Variants in SEMA4F observed in about 807,000 individuals in gnomAD.
The protein encoded by SEMA4F is ssemaphorin 4F, also known as semaphorin-4F.
SEMA4F carries 51 observed loss-of-function variants against 78.4 expected under a neutral mutation model. The ratio of observed to expected loss-of-function variants is 0.65; its 90% CI spans 0.52 to 0.82. The LOEUF (loss-of-function observed/expected upper bound fraction) is 0.82, where lower values mean the gene tolerates loss of function less well. SEMA4F is among the 40% of genes least tolerant of loss of function. The pLI is 0.00. For synonymous variants in SEMA4F, 418 were observed against 408.7 expected (o/e 1.02, Z -0.27); for missense variants, 938 against 1,014.4 (o/e 0.92, Z 1.02).
downstream of SEMA4F, among the ~76,000 whole-genome samples, chr2:74,684,079 C>T (rs1685754445): frequency 7.2e-6 from 1 of 137,966 alleles, no homozygotes; most frequent in Non-Finnish European, 1.5e-5. Flanking sequence ...CACATATCCA[C>T]CAAATTAACT....
At chr2:74,660,277 C>G (rs188383425) in intron 4 of SEMA4F, among the ~76,000 whole-genome samples, 1 of 152,380 alleles carries the variant, frequency 6.6e-6, no homozygotes, top group East Asian at 1.9e-4. Context: ...CTGTGTTTGT[C>G]TCTGGCTCTG....
At chr2:74,696,254 G>C in the SEMA4F span, among the ~76,000 whole-genome samples, 1 of 144,992 alleles carries the variant, frequency 6.9e-6, no homozygotes, top group Non-Finnish European at 1.5e-5. Context: ...GGAGTGCAGT[G>C]GTATGATCTT....
At chr2:74,696,319 C>CT in the SEMA4F span, among the ~76,000 whole-genome samples, 1 of 151,630 alleles carries the variant, frequency 6.6e-6, no homozygotes, top group Non-Finnish European at 1.5e-5. Flanking sequence ...CCTCAGTCTC[C>CT]CAAGTAGCTG....
At chr2:74,657,501 T>C in intron 2 of SEMA4F, 64 bp from the exon 3 acceptor site, 1 of 1,480,202 alleles carries the variant, frequency 6.8e-7, no homozygotes, top group Non-Finnish European at 9.5e-7. Context: ...TTTAATCTCC[T>C]CTAACATCGA....
chr2:74,671,291 C>A (rs965429796), intron 5 of SEMA4F, among the ~76,000 whole-genome samples: 1 of 152,324 alleles, frequency 6.6e-6, no homozygotes, highest in African/African-American at 2.4e-5. Flanking sequence ...CCCTCTTGTT[C>A]TCTGCATAGA....
chr2:74,676,731 A>G (rs1173527826), intron 12 of SEMA4F, among the ~76,000 whole-genome samples: 1 of 152,104 alleles, frequency 6.6e-6, no homozygotes, highest in African/African-American at 2.4e-5. Flanking sequence ...TCTTAACTGG[A>G]CTACTCTAAT....
intron 5 of SEMA4F, among the ~76,000 whole-genome samples, chr2:74,669,033 G>T (rs909566325): frequency 6.6e-6 from 1 of 152,034 alleles, no homozygotes; most frequent in African/African-American, 2.4e-5. Flanking sequence ...GGCCAAGGTG[G>T]GAAGATTGCT....
At chr2:74,670,719 C>T (rs1684941215) in intron 5 of SEMA4F, among the ~76,000 whole-genome samples, 1 of 152,236 alleles carries the variant, frequency 6.6e-6, no homozygotes, top group African/African-American at 2.4e-5. Flanking sequence ...GTGTCATGCT[C>T]TTAGGGAACA....
At chr2:74,692,698 C>A in the SEMA4F span, among the ~76,000 whole-genome samples, 1 of 152,178 alleles carries the variant, frequency 6.6e-6, no homozygotes, top group Non-Finnish European at 1.5e-5. Context: ...GGAAATCAAA[C>A]CCAGAGTAAG....
chr2:74,702,525 C>G, the SEMA4F span, among the ~76,000 whole-genome samples: 1 of 152,124 alleles, frequency 6.6e-6, no homozygotes, highest in Admixed American at 6.5e-5. Flanking sequence ...GACCTGGTCT[C>G]TCATCAAAAG....
At position 74,680,160 on chromosome 2, in the gene SEMA4F, T is replaced by C; in HGVS notation, c.2264T>C (p.Ile755Thr). Residue 755 changes from isoleucine (I) to threonine (T), a missense_variant, in exon 14 of 14, where the codon ATT (isoleucine) becomes ACT (threonine). By Grantham distance (89) the Ile-to-Thr change is moderately conservative (BLOSUM62 -1). Transcript: ENST00000357877. ...GATCCTTGCCCAAGCCCAGCCCACATTCGGCTAACTGGGGCTCCTCTAGCC... is the reference window on the plus strand; with the variant it reads ...GATCCTTGCCCAAGCCCAGCCCACACTCGGCTAACTGGGGCTCCTCTAGCC... ...LLDPCPSPAHIRLTGAPLATC... is the reference protein window; with the variant it reads ...LLDPCPSPAHTRLTGAPLATC... 1 of 1,600,130 alleles carries C rather than the reference T, an allele frequency of 6.2e-7. No individual in the cohort carries two copies.
At chr2:74,703,777 A>G in the SEMA4F span, among the ~76,000 whole-genome samples, 1 of 152,200 alleles carries the variant, frequency 6.6e-6, no homozygotes, top group Non-Finnish European at 1.5e-5. Flanking sequence ...TCTTTATAGC[A>G]TGAAAATCCA....
chr2:74,704,280 G>C, the SEMA4F span, among the ~76,000 whole-genome samples: 1 of 150,426 alleles, frequency 6.6e-6, no homozygotes, highest in Non-Finnish European at 1.5e-5. Context: ...ATTGCTACTA[G>C]AGTCTTACCT....
At chr2:74,657,746 T>TC in intron 3 of SEMA4F, 107 bp from the exon 4 acceptor site, 2 of 1,362,176 alleles carry the variant, frequency 1.5e-6, no homozygotes, top group South Asian at 2.3e-5. Flanking sequence ...CACCATGCCA[T>TC]CACCCATCAT....
rs1178708858 is a variant in SEMA4F, at chr2:74,680,109, G to A, written c.2213G>A (p.Gly738Asp). Residue 738 changes from glycine to aspartate, a missense_variant, in exon 14 of 14, where the codon GGT becomes GAT. By Grantham distance (94) the Gly-to-Asp change is moderately conservative. Transcript: ENST00000357877. ...CTGGCCAAGAGGGGCAGTGGCTTTG[G>A]TGGATTCTCACCACCCTTCCTGCTT... ...LALAKRGSGF[G>D]GFSPPFLLDP... is the part of the protein sequence containing the mutation. 1 of 1,613,614 alleles carries A rather than the reference G, an allele frequency of 6.2e-7. No individual in the cohort carries two copies.
chr2:74,659,369 A>C (rs866154485), intron 4 of SEMA4F, among the ~76,000 whole-genome samples: 4 of 152,268 alleles, frequency 2.6e-5, no homozygotes, highest in Middle Eastern at 3.4e-3. Flanking sequence ...TGTTTCTCTG[A>C]GGTGGGACTC....
chr2:74,680,068 G>A lies in SEMA4F; in HGVS notation c.2172G>A (p.Glu724=), dbSNP rs1685526275. Residue 724 remains glutamate, a synonymous_variant, in exon 14 of 14, where the codon GAG becomes GAA. Transcript: ENST00000357877. Reference sequence around the variant, plus strand: ...CTCCCTCCCCCTCTCCTGAAGATGAGCGGTTGCCGCTGGCCCTGGCCAAGA... The same window carrying A: ...CTCCCTCCCCCTCTCCTGAAGATGAACGGTTGCCGCTGGCCCTGGCCAAGA... ...QDPPSPSPED[E]RLPLALAKRG... 1 of 1,613,974 alleles carries A rather than the reference G, an allele frequency of 6.2e-7. No homozygotes were observed. The highest frequency in any genetic ancestry group is 8.5e-7 in the Non-Finnish European group (1 of 1,179,942).
chr2:74,679,859 C>A lies in SEMA4F; in HGVS notation c.1963C>A (p.Arg655=). Reference sequence around the variant, plus strand: ...GGGCAGCCAGCGAGATGCTCCGAGCCGGGCCCACACAGTGGGGGCGGGACT... The same window carrying A: ...GGGCAGCCAGCGAGATGCTCCGAGCAGGGCCCACACAGTGGGGGCGGGACT... ...VWGSQRDAPS[R]AHTVGAGLAG... Residue 655 remains arginine (R), a synonymous_variant, in exon 14 of 14, where the codon CGG becomes AGG. Transcript: ENST00000357877. The A allele has an allele frequency of 1.2e-6, 2 of 1,614,204 alleles. No individual in the cohort carries two copies. The highest frequency in any genetic ancestry group is 1.7e-6 in the Non-Finnish European group (2 of 1,180,026).
downstream of SEMA4F, among the ~76,000 whole-genome samples, chr2:74,687,959 T>C (rs1685854268): frequency 6.6e-6 from 1 of 152,172 alleles, no homozygotes; most frequent in Admixed American, 6.5e-5. Context: ...TAATCATAGT[T>C]GCCCTTAATA....
Sources: gnomAD v4.1 joint callset for allele counts (sites outside exome capture counted in the v4.1 genomes callset) on GRCh38, gnomAD v4.1.1 for gene constraint, MANE v1.5 for transcripts, NCBI Gene and HGNC (gene_info 2026-07-23, HGNC 2026-07-21) for gene names.